The following CFAP65 variants were observed in gnomAD, a reference collection of about 807,000 sequenced individuals.
The protein encoded by CFAP65 is cilia and flagella associated protein 65.
CFAP65 carries 155 observed loss-of-function variants against 208.0 expected under a neutral mutation model. That is an observed-to-expected ratio of 0.75 (90% CI 0.65 to 0.85). The LOEUF is 0.85. Ranked by LOEUF, CFAP65 falls within the 40% of genes least tolerant of loss-of-function variation. CFAP65 has a pLI of 0.00. For missense variants in CFAP65, 2,294 were observed against 2,451.3 expected (o/e 0.94, Z 1.36); for synonymous variants, 970 against 986.3 (o/e 0.98, Z 0.31).
intron 31 of CFAP65, 105 bp from the exon 32 acceptor site, chr2:219,005,667 T>G: frequency 7.2e-7 from 1 of 1,381,998 alleles, no homozygotes; most frequent in Non-Finnish European, 1.0e-6. Flanking sequence ...ACAGATGAGT[T>G]TGAGGCACTC....
intron 29 of CFAP65, 84 bp downstream of exon 29, chr2:219,008,963 C>A (rs1030955884): frequency 8.5e-6 from 10 of 1,170,328 alleles, no homozygotes; most frequent in African/African-American, 1.5e-5. Context: ...GCCTGGAGGG[C>A]CACCTTGGCC....
At chr2:219,030,635 G>C in intron 9 of CFAP65, 54 bp downstream of exon 9, 2 of 1,589,340 alleles carry the variant, frequency 1.3e-6, no homozygotes, top group South Asian at 2.3e-5. Flanking sequence ...GTGATTTTAG[G>C]AAATTCCAAT....
At chr2:219,018,837 C>T (rs1011385274) in intron 21 of CFAP65, 6 of 638,096 alleles carry the variant, frequency 9.4e-6, no homozygotes, top group Non-Finnish European at 1.7e-5. Flanking sequence ...CCCACCGCTT[C>T]TGAGCCTATC....
chr2:219,032,490 CG>C lies in CFAP65; in HGVS notation c.624del (p.Ile208MetfsTer37). The C allele has an allele frequency of 2.5e-6, 4 of 1,600,802 alleles. No individual in the cohort carries two copies. The highest frequency in any genetic ancestry group is 3.4e-6 in the Non-Finnish European group (4 of 1,173,872). ...CTTACCGCCTCCAGAGGCCGGAAGACGATGGGGAGCGTGAGGGTTATGCCTG... is the reference window on the plus strand; with the variant it reads ...CTTACCGCCTCCAGAGGCCGGAAGACATGGGGAGCGTGAGGGTTATGCCTG... ...LSPGITLTLP[I>X]VFRPLEAKEY... On this transcript the variant is annotated frameshift_variant, in exon 6 of 35. Transcript: ENST00000341552. LOFTEE classifies it high-confidence loss of function. This position sits in a 1 kb window ranked among gnomAD's most constrained non-coding sequence, Gnocchi z 5.5.
chr2:219,007,450 G>T (rs928939710), intron 29 of CFAP65, among the ~76,000 whole-genome samples: 1 of 152,102 alleles, frequency 6.6e-6, no homozygotes, highest in Admixed American at 6.5e-5. Flanking sequence ...AAAGCACTAG[G>T]ATTACAGGTG....
intron 16 of CFAP65, among the ~76,000 whole-genome samples, chr2:219,022,612 G>A (rs950840709): frequency 1.3e-5 from 2 of 152,200 alleles, no homozygotes; most frequent in African/African-American, 2.4e-5. Flanking sequence ...TAGTGAGGGT[G>A]GGAGCGGGAT....
In CFAP65 at chr2:219,009,097, C is replaced by G. The variant is rs750951820; in HGVS notation, c.4624G>C (p.Glu1542Gln). The G allele has an allele frequency of 1.9e-6, 3 of 1,612,928 alleles. No homozygotes were observed. The East Asian group carries it at 6.7e-5, about 36-fold the overall frequency. The change falls in exon 29 of 35, where the codon GAG (glutamate) becomes CAG (glutamine). Residue 1542 changes from glutamate to glutamine, a missense_variant. Coordinates refer to ENST00000341552, the MANE Select transcript of CFAP65 (RefSeq NM_194302.4). ...AACTCCACTTCCTGCCGCACCTTCT[C>G]GTCCTTCCACTCCTGCAGCTCCTTG... ...YHKELQEWKDEKVRQEVEFTI... is the reference protein window; with the variant it reads ...YHKELQEWKDQKVRQEVEFTI...
At chr2:219,006,546 A>G in intron 29 of CFAP65, 37 bp from the exon 30 acceptor site, 1 of 1,609,958 alleles carries the variant, frequency 6.2e-7, no homozygotes, top group Non-Finnish European at 8.5e-7. Flanking sequence ...AAGATACAAG[A>G]GGCCCGGCCG....
In CFAP65 at chr2:219,035,637, G is replaced by A; in HGVS notation, c.385C>T (p.His129Tyr). The A allele has an allele frequency of 6.2e-7, 1 of 1,613,994 alleles. No homozygotes were observed. The highest frequency in any genetic ancestry group is 8.5e-7 in the Non-Finnish European group (1 of 1,179,952). ...ACTCTCTCCTGCTTCTTTGGGGAGT[G>A]CATCTGAGTGTCCATGGAGCTTGCG... ...QPASSMDTQM[H>Y]SPKKQERVNK... is the part of the protein sequence containing the mutation. The change falls in exon 5 of 35, where the codon CAC (histidine) becomes TAC (tyrosine). Residue 129 changes from histidine (H) to tyrosine (Y), a missense_variant. Physicochemically the swap from His to Tyr is moderately conservative, Grantham distance 83. This residue lies in a region of CFAP65 where 867 missense variants were observed against 1,012.6 expected (regional missense o/e 0.86). Transcript: ENST00000341552.
chr2:219,037,933 C>T (rs1400121538), intron 4 of CFAP65, among the ~76,000 whole-genome samples: 1 of 152,220 alleles, frequency 6.6e-6, no homozygotes, highest in African/African-American at 2.4e-5. Context: ...AGTATCCATA[C>T]ATTATTGGTC....
At position 219,032,430 on chromosome 2, in the gene CFAP65, C is replaced by G. The variant is rs760642142; in HGVS notation, c.645+40G>C. ...TTTTCTGTTCTGAGGTCACTGCTCC[C>G]AGGTACCTCCCTGCCCTCACTCGCT... On this transcript the variant is annotated intron_variant, in intron 6 of 34. Transcript: ENST00000341552. The surrounding 1 kb of genome is among the most constrained non-coding windows in gnomAD (Gnocchi z 5.5). 5.9e-6 allele frequency: 9 copies of G among 1,528,896 alleles called. No individual in the cohort carries two copies. In the South Asian group the frequency reaches 1.1e-4, roughly 18 times the overall value. 94.7% of individuals were successfully genotyped at this position (1,528,896 alleles called of 1,614,324 possible).
chr2:219,035,298 C>A (rs776509110), intron 5 of CFAP65, 182 bp downstream of exon 5: 2 of 1,518,720 alleles, frequency 1.3e-6, no homozygotes, highest in Non-Finnish European at 1.8e-6. Flanking sequence ...GGACACTATA[C>A]CACAATGAAA....
At chr2:219,021,722 C>T in intron 18 of CFAP65, 58 bp downstream of exon 18, 1 of 1,589,988 alleles carries the variant, frequency 6.3e-7, no homozygotes, top group Non-Finnish European at 8.6e-7. Flanking sequence ...GTTAACCGGT[C>T]TTAACCAGTA....
chr2:219,011,971 G>C (rs967245692), intron 24 of CFAP65, among the ~76,000 whole-genome samples: 19 of 152,346 alleles, frequency 1.2e-4, no homozygotes, highest in African/African-American at 4.3e-4. Flanking sequence ...GCCCTCACAA[G>C]TGGGATTAGT....
intron 21 of CFAP65, among the ~76,000 whole-genome samples, chr2:219,017,050 C>T (rs1946939650): frequency 6.6e-6 from 1 of 152,236 alleles, no homozygotes; most frequent in Non-Finnish European, 1.5e-5. Flanking sequence ...ATGCTGCACA[C>T]ACCTCCTTCA....
intron 2 of CFAP65, among the ~76,000 whole-genome samples, chr2:219,040,303 A>G (rs1165309212): frequency 6.6e-6 from 1 of 152,154 alleles, no homozygotes; most frequent in Non-Finnish European, 1.5e-5. Context: ...AGGAATTTAT[A>G]CAGTTCCATC....
chr2:219,021,097 C>T, intron 19 of CFAP65, 55 bp downstream of exon 19: 1 of 1,465,514 alleles, frequency 6.8e-7, no homozygotes, highest in Non-Finnish European at 9.1e-7. Flanking sequence ...ACAGCCCTCC[C>T]CCTTCATCCT....
intron 17 of CFAP65, 25 bp from the exon 18 acceptor site, chr2:219,021,955 G>A (rs1420153070): frequency 6.2e-7 from 1 of 1,611,904 alleles, no homozygotes; most frequent in Non-Finnish European, 8.5e-7. Flanking sequence ...CAGCCAGCCG[G>A]GAGTGGGAGC....
chr2:219,021,875 C>A lies in CFAP65; in HGVS notation c.3035G>T (p.Arg1012Met). 6.2e-7 allele frequency: 1 copy of A among 1,613,880 alleles called. No homozygotes were observed. The highest frequency in any genetic ancestry group is 8.5e-7 in the Non-Finnish European group (1 of 1,180,030). ...GNVLVNSKQS[R>M]FLVLLNDGNC... ...GCCGTCATTCAGGAGGACAAGGAACCTGGACTGCTTGCTGTTCACCAGCAC... is the reference window on the plus strand; with the variant it reads ...GCCGTCATTCAGGAGGACAAGGAACATGGACTGCTTGCTGTTCACCAGCAC... Residue 1012 changes from arginine (R) to methionine (M), a missense_variant, in exon 18 of 35, where the codon AGG becomes ATG. This residue lies in a region of CFAP65 where 1,427 missense variants were observed against 1,438.7 expected (regional missense o/e 0.99). Coordinates refer to ENST00000341552, the MANE Select transcript of CFAP65 (RefSeq NM_194302.4).
Sources: allele counts gnomAD v4.1 joint callset (sites outside exome capture counted in the v4.1 genomes callset), GRCh38; gene constraint gnomAD v4.1.1; regional missense constraint gnomAD v4.1.1; non-coding constraint Gnocchi (gnomAD v3.1); transcripts MANE v1.5; gene names NCBI Gene and HGNC (gene_info 2026-07-23, HGNC 2026-07-21).